The following MINDY2 variants were observed in gnomAD, a reference collection of about 807,000 sequenced individuals.
MINDY2 encodes the protein MINDY lysine 48 deubiquitinase 2.
MINDY2 carries 52 observed loss-of-function variants against 68.2 expected under a neutral mutation model. That is an observed-to-expected ratio of 0.76 (90% CI 0.61 to 0.96). The LOEUF is 0.96. Among genes scored for constraint, MINDY2 ranks in the 40% least tolerant of loss-of-function variants. The probability of loss-of-function intolerance (pLI) is 0.00; values close to 1 mark genes in which losing one functional copy is unlikely to be tolerated. For missense variants in MINDY2, 881 were observed against 773.4 expected, an observed-to-expected ratio of 1.14 and a Z score of -1.65; for synonymous variants, 372 against 303.0, an observed-to-expected ratio of 1.23 and a Z score of -2.36.
At chr15:58,772,328 T>C in intron 1 of MINDY2, 93 bp downstream of exon 1, 1 of 1,544,616 alleles carries the variant, frequency 6.5e-7, no homozygotes, top group South Asian at 1.2e-5. Context: ...GCTTCCTTTC[T>C]TTCCTCATTC....
At chr15:58,804,648 A>G (rs1595730448) in intron 3 of MINDY2, among the ~76,000 whole-genome samples, 1 of 151,972 alleles carries the variant, frequency 6.6e-6, no homozygotes, top group Non-Finnish European at 1.5e-5. Context: ...TCTACAAAAA[A>G]TACAAAACGT....
At chr15:58,821,194 CATT>C (rs1306085704) in intron 4 of MINDY2, among the ~76,000 whole-genome samples, 1 of 151,574 alleles carries the variant, frequency 6.6e-6, no homozygotes, top group Non-Finnish European at 1.5e-5. Flanking sequence ...AGGAAAATAA[CATT>C]AGTTATCTCT....
intron 1 of MINDY2, among the ~76,000 whole-genome samples, chr15:58,774,963 G>C (rs1292933818): frequency 6.6e-6 from 1 of 152,094 alleles, no homozygotes; most frequent in African/African-American, 2.4e-5. Flanking sequence ...CCAGCCTGTT[G>C]ATGCCCACAA....
In MINDY2 at chr15:58,845,447, G is replaced by T. The variant is rs556898773; in HGVS notation, c.1369-1850G>T. 1.0e-3 allele frequency among the ~76,000 whole-genome samples: 157 copies of T among 152,186 alleles called. 1 individual carries two copies. The highest frequency in any genetic ancestry group is 3.7e-3 in the African/African-American group (152 of 41,540). ...CAAATGGCAGACAGGTATGTGAAAAGGTGCTGAACATCACTGGTCATCTGA... is the reference window on the plus strand; with the variant it reads ...CAAATGGCAGACAGGTATGTGAAAATGTGCTGAACATCACTGGTCATCTGA... On this transcript the variant is annotated intron_variant, in intron 6 of 8. Coordinates refer to ENST00000559228, the MANE Select transcript of MINDY2 (RefSeq NM_001040450.3).
chr15:58,806,195 T>G (rs1902998308), intron 3 of MINDY2, among the ~76,000 whole-genome samples: 1 of 151,856 alleles, frequency 6.6e-6, no homozygotes, highest in East Asian at 2.0e-4. Flanking sequence ...TGCCTCAGCC[T>G]CCCAATTAGC....
rs1292342076 is a variant in MINDY2, at chr15:58,802,394, G to T, written c.963+17G>T. The T allele has an allele frequency of 2.7e-6, 4 of 1,497,496 alleles. No individual in the cohort carries two copies. The highest frequency in any genetic ancestry group is 2.7e-6 in the Non-Finnish European group (3 of 1,103,954). 92.8% of individuals were successfully genotyped at this position (1,497,496 alleles called of 1,614,324 possible). A position where few individuals can be genotyped will look rare whatever the true frequency, so the allele number is the denominator to read the frequency against. On this transcript the variant is annotated intron_variant, in intron 3 of 8. Transcript: ENST00000559228. ...TATGAACAGGTAATAAACAGTTTTT[G>T]TTAAAGTATATAATTTTAAAGTTTA...
At chr15:58,832,877 A>G in intron 6 of MINDY2, among the ~76,000 whole-genome samples, 1 of 152,306 alleles carries the variant, frequency 6.6e-6, no homozygotes, top group Non-Finnish European at 1.5e-5. Context: ...TGCTAAAGGA[A>G]TTTAGAAGAA....
At chr15:58,788,773 G>A (rs1467529669) in intron 2 of MINDY2, among the ~76,000 whole-genome samples, 1 of 152,166 alleles carries the variant, frequency 6.6e-6, no homozygotes, top group African/African-American at 2.4e-5. Context: ...ACTTTGGGAG[G>A]TCAAGGCAGG....
chr15:58,818,726 A>C (rs1287901396), intron 4 of MINDY2, among the ~76,000 whole-genome samples: 2 of 118,296 alleles, frequency 1.7e-5, no homozygotes, highest in Admixed American at 9.0e-5. Context: ...TGCAACCTCC[A>C]CCTCCCAGTT....
intron 1 of MINDY2, among the ~76,000 whole-genome samples, chr15:58,781,018 T>C (rs1398816282): frequency 1.3e-5 from 2 of 152,116 alleles, no homozygotes; most frequent in Admixed American, 1.3e-4. Context: ...ATATAAATAG[T>C]GAATTCTGAA....
chr15:58,820,637 C>T (rs1196900460), intron 4 of MINDY2, among the ~76,000 whole-genome samples: 1 of 152,074 alleles, frequency 6.6e-6, no homozygotes, highest in African/African-American at 2.4e-5. Context: ...TGGTGGTTCT[C>T]AAACTTCGCT....
intron 2 of MINDY2, among the ~76,000 whole-genome samples, chr15:58,801,913 C>T (rs1902689724): frequency 6.6e-6 from 1 of 152,220 alleles, no homozygotes; most frequent in Admixed American, 6.5e-5. Flanking sequence ...CCACCAAACC[C>T]AGCCAGATGC....
intron 5 of MINDY2, among the ~76,000 whole-genome samples, chr15:58,825,589 G>A (rs1236270085): frequency 4.6e-5 from 7 of 151,516 alleles, no homozygotes; most frequent in African/African-American, 1.2e-4. Flanking sequence ...TTGTTTGTTT[G>A]TGTGGTGTTT....
intron 5 of MINDY2, among the ~76,000 whole-genome samples, chr15:58,823,254 C>T (rs1220355656): frequency 6.6e-6 from 1 of 151,694 alleles, no homozygotes; most frequent in East Asian, 1.9e-4. Context: ...TCTCCTTCCT[C>T]AGCCTCCTGA....
chr15:58,777,414 C>T (rs1900838889), intron 1 of MINDY2, among the ~76,000 whole-genome samples: 1 of 152,152 alleles, frequency 6.6e-6, no homozygotes, highest in Non-Finnish European at 1.5e-5. Flanking sequence ...AATGATCAAA[C>T]AGAGTAAGGA....
chr15:58,782,236 A>G (rs1241913026), intron 1 of MINDY2, among the ~76,000 whole-genome samples: 2 of 152,202 alleles, frequency 1.3e-5, no homozygotes, highest in Non-Finnish European at 2.9e-5. Context: ...AATCATGAAT[A>G]CTATATATTC....
chr15:58,807,933 T>TA (rs2029924975), intron 3 of MINDY2, among the ~76,000 whole-genome samples: 2 of 152,140 alleles, frequency 1.3e-5, no homozygotes, highest in Middle Eastern at 3.2e-3. Context: ...GTGCTCCCTG[T>TA]AGTCTCTATT....
At chr15:58,836,654 T>C (rs1275949226) in intron 6 of MINDY2, among the ~76,000 whole-genome samples, 1 of 152,182 alleles carries the variant, frequency 6.6e-6, no homozygotes, top group East Asian at 1.9e-4. Context: ...GGTCTTGCTC[T>C]GTCACCCAGG....
intron 3 of MINDY2, among the ~76,000 whole-genome samples, chr15:58,803,066 C>T (rs1902770872): frequency 6.6e-6 from 1 of 152,182 alleles, no homozygotes. Context: ...CCTTTTTTAA[C>T]ATACTTTCAC....
Sources: gnomAD v4.1 joint callset for allele counts (sites outside exome capture counted in the v4.1 genomes callset) on GRCh38, gnomAD v4.1.1 for gene constraint, MANE v1.5 for transcripts, NCBI Gene and HGNC (gene_info 2026-07-23, HGNC 2026-07-21) for gene names.